ADAP1: variants seen among roughly 807,000 people sequenced by gnomAD.
The protein encoded by ADAP1 is ArfGAP with dual PH domains 1.
ADAP1 carries 31 observed loss-of-function variants against 54.9 expected under a neutral mutation model. That is an observed-to-expected ratio of 0.56 (90% CI 0.42 to 0.76). The LOEUF is 0.76. Among genes scored for constraint, ADAP1 ranks in the 30% least tolerant of loss-of-function variants. The pLI, the probability that ADAP1 is intolerant of heterozygous loss-of-function variation, is 0.00. For synonymous variants in ADAP1, 313 were observed against 202.6 expected (o/e 1.55, Z -4.63); for missense variants, 535 against 512.4 (o/e 1.04, Z -0.42).
chr7:905,237 G>A (rs10243781), intron 4 of ADAP1, 65 bp from the exon 5 acceptor site: 192,105 of 1,223,984 alleles, frequency 0.16, 20,716 homozygotes, highest in African/African-American at 0.5. Flanking sequence ...AAGGAGTGAC[G>A]ATGGACAGGA....
At chr7:905,659 A>AGGAGAAAGGAGAAAGGGAAAGGAGAAG (rs1845194021) in intron 4 of ADAP1, 1 of 205,828 alleles carries the variant, frequency 4.9e-6, no homozygotes, top group Non-Finnish European at 9.8e-6. Context: ...GAAAGGAGAA[A>AGGAGAAAGGAGAAAGGGAAAGGAGAAG]GGAGAAAGGA....
At position 945,779 on chromosome 7, in the gene ADAP1, G is replaced by C; in HGVS notation, c.82+8617C>G. The C allele has an allele frequency of 4.1e-6, 4 of 985,668 alleles. No individual in the cohort carries two copies. Among genetic ancestry groups the C allele is most frequent in the Non-Finnish European group, 4.8e-6 (4 of 830,040 alleles). 61.1% of individuals were successfully genotyped at this position (985,668 alleles called of 1,614,324 possible). ...TGCCCTACCTGCTCCCAGGACGCCC[G>C]AGGTGACTCAGCCGCTCACCATTTC... is the stretch of plus-strand genomic sequence containing the variant. On this transcript the variant is annotated intron_variant, in intron 1 of 10. Transcript: ENST00000265846. The surrounding 1 kb of genome is among the most constrained non-coding windows in gnomAD (Gnocchi z 4.2).
intron 4 of ADAP1, among the ~76,000 whole-genome samples, chr7:916,110 C>T (rs1019415371): frequency 2.0e-5 from 3 of 152,226 alleles, no homozygotes; most frequent in African/African-American, 4.8e-5. Context: ...CATCCCGGCC[C>T]GACCAGTCAG....
rs755207297 is a variant in ADAP1 at position 899,502 on chromosome 7, A to G, written c.796-12T>C. The G allele has an allele frequency of 3.7e-6, 6 of 1,612,116 alleles. No individual in the cohort carries two copies. The East Asian group carries it at 1.3e-4, about 36-fold the overall frequency. The stretch of plus-strand genomic sequence containing the variant: ...AAGCCTTCCGTTTGCTGTGGGTCAG[A>G]GAGGGCCCGTGACCGGCAGGTCGCC... On this transcript the variant is annotated splice_polypyrimidine_tract_variant and intron_variant, in intron 8 of 10. Transcript: ENST00000265846.
At chr7:903,893 G>A (rs1445924382) in intron 6 of ADAP1, 3 of 506,830 alleles carry the variant, frequency 5.9e-6, no homozygotes, top group African/African-American at 2.0e-5. Context: ...CCGGCCCTGG[G>A]AAGCTGCCTT....
chr7:907,579 G>A (rs1000820152), intron 4 of ADAP1, among the ~76,000 whole-genome samples: 7 of 152,162 alleles, frequency 4.6e-5, no homozygotes, highest in Non-Finnish European at 1.0e-4. Flanking sequence ...TCCCCCCCAG[G>A]CCCCGCTCCC....
chr7:947,494 C>T (rs1195239009), intron 1 of ADAP1, among the ~76,000 whole-genome samples: 6 of 152,100 alleles, frequency 3.9e-5, no homozygotes, highest in Admixed American at 1.3e-4. Flanking sequence ...CAGAGCCTCA[C>T]ATCGCAGGTC....
intron 2 of ADAP1, among the ~76,000 whole-genome samples, chr7:934,493 A>ACT (rs1248530623): frequency 1.3e-5 from 2 of 151,560 alleles, no homozygotes; most frequent in Non-Finnish European, 2.9e-5. Flanking sequence ...CCAGACCACC[A>ACT]CTCTCACCTC....
chr7:934,692 C>T (rs1475459808), intron 2 of ADAP1, among the ~76,000 whole-genome samples: 5 of 152,182 alleles, frequency 3.3e-5, no homozygotes, highest in African/African-American at 9.7e-5. Flanking sequence ...CGGGGCCCTT[C>T]CTGCCGCCTC....
At chr7:905,686 A>AGG (rs1845198682) in intron 4 of ADAP1, 1 of 149,866 alleles carries the variant, frequency 6.7e-6, no homozygotes, top group Non-Finnish European at 1.4e-5. Flanking sequence ...GAAAGGAGAA[A>AGG]GGAGAAAGGA....
chr7:935,105 G>A, intron 2 of ADAP1: 2 of 592,726 alleles, frequency 3.4e-6, no homozygotes, highest in Non-Finnish European at 3.2e-6. Context: ...CAGGGCACGG[G>A]AATCGGCGAC....
chr7:904,952 C>A, intron 5 of ADAP1, 108 bp downstream of exon 5: 3 of 827,504 alleles, frequency 3.6e-6, no homozygotes, highest in Non-Finnish European at 5.7e-6. Flanking sequence ...TCGGGGGGGG[C>A]AGCAGGGAGG....
At chr7:927,547 C>A in intron 2 of ADAP1, 1 of 468,350 alleles carries the variant, frequency 2.1e-6, no homozygotes. Context: ...TGACATCACC[C>A]TGCTCCGAGG....
In ADAP1 at chr7:946,108, C is replaced by T. The variant is rs938156187; in HGVS notation, c.82+8288G>A. Among the ~76,000 whole-genome samples the T allele has an allele frequency of 1.7e-4, 26 of 152,210 alleles. No individual in the cohort carries two copies. Among genetic ancestry groups the T allele is most frequent in the African/African-American group, 6.3e-4 (26 of 41,458 alleles). On this transcript the variant is annotated intron_variant, in intron 1 of 10. Transcript: ENST00000265846. The surrounding 1 kb of genome is among the most constrained non-coding windows in gnomAD (Gnocchi z 4.3). ...CGGTGCCCACCACCCTTCACAGCTA[C>T]GTGAGGCGGGGCATGCATGGCTGTC... is the stretch of plus-strand genomic sequence containing the variant.
At chr7:934,422 G>A (rs984259355) in intron 2 of ADAP1, among the ~76,000 whole-genome samples, 3 of 152,000 alleles carry the variant, frequency 2.0e-5, no homozygotes, top group Non-Finnish European at 4.4e-5. Context: ...TGCTGGAGAG[G>A]GGAGAGACAT....
At chr7:916,896 G>A (rs1036379276) in intron 4 of ADAP1, among the ~76,000 whole-genome samples, 6 of 152,120 alleles carry the variant, frequency 3.9e-5, no homozygotes, top group Non-Finnish European at 7.4e-5. Flanking sequence ...CGCCGCTCCT[G>A]GGAGAAAATC....
At chr7:935,671 T>TCCCCCC (rs3215362) in intron 1 of ADAP1, among the ~76,000 whole-genome samples, 166 bp from the exon 2 acceptor site, 15 of 146,488 alleles carry the variant, frequency 1.0e-4, no homozygotes. Flanking sequence ...TAACCCCAGC[T>TCCCCCC]CCCCCCCCGC....
chr7:899,291 G>A (rs1307403448), intron 9 of ADAP1, 30 bp from the exon 10 acceptor site: 7 of 1,610,150 alleles, frequency 4.3e-6, no homozygotes, highest in East Asian at 2.2e-5. Flanking sequence ...TGGAGGCGGG[G>A]CCATGTCCCT....
chr7:901,563 T>C (rs911109851), intron 6 of ADAP1, among the ~76,000 whole-genome samples: 1 of 152,164 alleles, frequency 6.6e-6, no homozygotes, highest in African/African-American at 2.4e-5. Flanking sequence ...AGCTGGAGGA[T>C]GGTGTAGCCC....
Sources: allele counts gnomAD v4.1 joint callset (sites outside exome capture counted in the v4.1 genomes callset), GRCh38; gene constraint gnomAD v4.1.1; non-coding constraint Gnocchi (gnomAD v3.1); transcripts MANE v1.5; gene names NCBI Gene and HGNC (gene_info 2026-07-23, HGNC 2026-07-21).